OPHN1: variants seen among roughly 807,000 people sequenced by gnomAD.
The protein encoded by OPHN1 is oligophrenin 1.
OPHN1 carries 11 observed loss-of-function variants against 60.7 expected under a neutral mutation model. The observed-to-expected ratio is 0.18, with a 90% CI of 0.11 to 0.30. The LOEUF is 0.30. Ranked by LOEUF, OPHN1 falls within the 10% of genes least tolerant of loss-of-function variation. OPHN1 has a pLI of 1.00. For missense variants in OPHN1, 449 were observed against 611.0 expected (o/e 0.73, Z 2.80); for synonymous variants, 226 against 222.6 (o/e 1.02, Z -0.14).
intron 2 of OPHN1, among the ~76,000 whole-genome samples, chrX:68,385,187 T>C (rs745631097): frequency 2.2e-4 from 25 of 111,563 alleles, no homozygotes; most frequent in Non-Finnish European, 4.5e-4. Flanking sequence ...TTTGAACAGG[T>C]CCCTCTGGAC....
chrX:68,356,106 G>A (rs752876317), intron 2 of OPHN1, among the ~76,000 whole-genome samples: 5 of 110,907 alleles, frequency 4.5e-5, no homozygotes, highest in East Asian at 2.8e-4. Flanking sequence ...GCTGGGGCAC[G>A]GTGCCCAAAT....
In OPHN1 at chrX:68,064,033, C is replaced by T. The variant is rs1391005870; in HGVS notation, c.1979G>A (p.Gly660Asp). The T allele has an allele frequency of 5.8e-6, 7 of 1,210,375 alleles. No individual in the cohort carries two copies. The highest frequency in any genetic ancestry group is 5.6e-6 in the Non-Finnish European group (5 of 895,100). ...RKSPSRPILD[G>D]KLEPCPEVDV... Reference sequence around the variant, plus strand: ...CACCTCTGGGCAGGGCTCCAACTTGCCATCCAAAATAGGCCTGCTTGGGGA... The same window carrying T: ...CACCTCTGGGCAGGGCTCCAACTTGTCATCCAAAATAGGCCTGCTTGGGGA... Residue 660 changes from glycine (G) to aspartate (D), a missense_variant, in exon 21 of 25, where the codon GGC becomes GAC. Around this residue, in one of 4 missense-constraint regions of OPHN1, gnomAD observed 184 missense variants for 160.5 expected, o/e 1.15. Transcript: ENST00000355520.
At position 68,160,398 on chromosome X, in the gene OPHN1, A is replaced by C. The variant is rs1306918563; in HGVS notation, c.1276+32521T>G. Among the ~76,000 whole-genome samples, 24 of 111,614 alleles carry C rather than the reference A, an allele frequency of 2.2e-4. No homozygotes were observed. In the Admixed American group the frequency reaches 2.3e-3, roughly 11 times the overall value. ...ACTAGGCAGAAGATGAATAGGAAAT[A>C]GAAGACATTAATAGGCCTATAAACT... On this transcript the variant is annotated intron_variant, in intron 15 of 24. Transcript: ENST00000355520.
chrX:68,380,265 C>A (rs1329752601), intron 2 of OPHN1, among the ~76,000 whole-genome samples: 1 of 111,215 alleles, frequency 9.0e-6, no homozygotes, highest in South Asian at 3.8e-4. Context: ...TCTGTGGGAT[C>A]GGTGGTGACA....
chrX:68,080,776 C>A lies in OPHN1; in HGVS notation c.1687-7477G>T, dbSNP rs755547453. Among the ~76,000 whole-genome samples the A allele has an allele frequency of 2.7e-5, 3 of 111,680 alleles. No individual in the cohort carries two copies. The East Asian group carries it at 8.4e-4, about 31-fold the overall frequency. ...CTTTTATGTGAGAGAAAAATGAACT[C>A]CTCTCCATCATATTTAAGCCAAATA... On this transcript the variant is annotated intron_variant, in intron 19 of 24. Transcript: ENST00000355520.
chrX:68,350,986 T>C (rs149541284), intron 2 of OPHN1, among the ~76,000 whole-genome samples: 1,150 of 111,709 alleles, frequency 0.01, 7 homozygotes, highest in Middle Eastern at 0.023. Flanking sequence ...TGGAGTGCAA[T>C]GGCATGATCT....
At chrX:68,264,969 G>A (rs775377332) in intron 5 of OPHN1, among the ~76,000 whole-genome samples, 22 of 112,419 alleles carry the variant, frequency 2.0e-4, no homozygotes, top group South Asian at 3.7e-4. Context: ...AGGCAGCAGC[G>A]AGGCTGGGGG....
intron 19 of OPHN1, among the ~76,000 whole-genome samples, chrX:68,077,126 T>G (rs2076956588): frequency 9.0e-6 from 1 of 111,682 alleles, no homozygotes; most frequent in Non-Finnish European, 1.9e-5. Context: ...ATTATAAAAC[T>G]ACAATTCAAA....
intron 5 of OPHN1, among the ~76,000 whole-genome samples, chrX:68,248,367 C>T (rs1274420903): frequency 9.0e-6 from 1 of 110,693 alleles, no homozygotes; most frequent in African/African-American, 3.3e-5. Context: ...TTGATCAAAG[C>T]AATGCAAATC....
chrX:68,210,641 G>A (rs1206958268), intron 8 of OPHN1, among the ~76,000 whole-genome samples: 2 of 111,875 alleles, frequency 1.8e-5, no homozygotes, highest in Non-Finnish European at 3.8e-5. Context: ...CCCAAAGGTA[G>A]CATTCTCATA....
At chrX:68,303,602 C>G (rs1179339536) in intron 2 of OPHN1, among the ~76,000 whole-genome samples, 1 of 107,732 alleles carries the variant, frequency 9.3e-6, no homozygotes, top group Non-Finnish European at 1.9e-5. Context: ...GAGCCGAGAT[C>G]ACGCCATTGC....
At chrX:68,082,644 G>A (rs2076978271) in intron 19 of OPHN1, among the ~76,000 whole-genome samples, 1 of 112,372 alleles carries the variant, frequency 8.9e-6, no homozygotes, top group Non-Finnish European at 1.9e-5. Flanking sequence ...TCTGTAGACA[G>A]ATGTGTTGTC....
intron 3 of OPHN1, among the ~76,000 whole-genome samples, chrX:68,288,723 C>A (rs1487125422): frequency 9.0e-6 from 1 of 110,688 alleles, no homozygotes; most frequent in African/African-American, 3.3e-5. Context: ...AAGATCGTGC[C>A]ACTGCACTCC....
intron 2 of OPHN1, among the ~76,000 whole-genome samples, chrX:68,371,219 CTTTT>C (rs571482375): frequency 3.1e-5 from 3 of 97,001 alleles, no homozygotes; most frequent in East Asian, 6.3e-4. Flanking sequence ...CTTTTTCTTT[CTTTT>C]TTTTTTTTTT....
chrX:68,116,522 G>A (rs138569244), intron 16 of OPHN1, among the ~76,000 whole-genome samples: 2,407 of 111,063 alleles, frequency 0.022, 66 homozygotes, highest in African/African-American at 0.074. Flanking sequence ...ACCGAGTAAA[G>A]TATCTCATTA....
intron 2 of OPHN1, among the ~76,000 whole-genome samples, chrX:68,430,140 T>C (rs995574720): frequency 1.3e-4 from 15 of 112,402 alleles, no homozygotes; most frequent in African/African-American, 4.2e-4. Flanking sequence ...TCCTTTTTCC[T>C]TTTTCCTCAA....
chrX:68,107,369 C>T (rs1032962866), intron 18 of OPHN1, among the ~76,000 whole-genome samples: 15 of 111,667 alleles, frequency 1.3e-4, no homozygotes, highest in Admixed American at 1.0e-3. Context: ...TATAGACTGT[C>T]AAATACTGTG....
chrX:68,416,138 G>C (rs1039682859), intron 2 of OPHN1, among the ~76,000 whole-genome samples: 1 of 100,067 alleles, frequency 1.0e-5, no homozygotes, highest in Non-Finnish European at 2.0e-5. Flanking sequence ...TGCCTTCTGG[G>C]CTCAAGCCAT....
intron 2 of OPHN1, among the ~76,000 whole-genome samples, chrX:68,336,834 A>AAGGT (rs2078325797): frequency 9.0e-6 from 1 of 110,601 alleles, no homozygotes; most frequent in Admixed American, 9.8e-5. Context: ...TGGGAGGATC[A>AAGGT]CTTGAGGTCA....
Sources: gnomAD v4.1 joint callset for allele counts (sites outside exome capture counted in the v4.1 genomes callset) on GRCh38, gnomAD v4.1.1 for gene constraint, gnomAD v4.1.1 regional missense constraint, MANE v1.5 for transcripts, NCBI Gene and HGNC (gene_info 2026-07-23, HGNC 2026-07-21) for gene names.